The following HMOX2 variants were observed in gnomAD, a reference collection of about 807,000 sequenced individuals.
HMOX2 encodes heme oxygenase 2.
A neutral mutation model predicts 33.7 loss-of-function variants in HMOX2; 30 were observed. The ratio of observed to expected loss-of-function variants is 0.89; its 90% confidence interval spans 0.67 to 1.21. HMOX2 has a LOEUF of 1.21. Ranked by LOEUF, HMOX2 falls within the 50% of genes most tolerant of loss-of-function variation. The pLI is 0.00. For synonymous variants in HMOX2, 155 were observed against 155.0 expected (o/e 1.00, Z 0.00); for missense variants, 403 against 399.1 (o/e 1.01, Z -0.08).
chr16:4,499,234 A>G (rs1255632324), intron 1 of HMOX2, among the ~76,000 whole-genome samples: 1 of 152,220 alleles, frequency 6.6e-6, no homozygotes, highest in African/African-American at 2.4e-5. Flanking sequence ...TCAAACATTC[A>G]TGCGTGTTAG....
At position 4,500,404 on chromosome 16, in the gene HMOX2, C is replaced by T. The variant is rs538062720; in HGVS notation, c.-41-5080C>T. ...TAACAACCCGAGTTCATGTTGTGGG[C>T]ATCTCATGCAGTGTAGTAGCTGGTC... On this transcript the variant is annotated intron_variant, in intron 1 of 5. Coordinates refer to ENST00000570646, the MANE Select transcript of HMOX2 (RefSeq NM_002134.4). Among the ~76,000 whole-genome samples, 10 of 152,210 alleles carry T rather than the reference C, an allele frequency of 6.6e-5. No individual in the cohort carries two copies. The South Asian group carries it at 1.5e-3, about 22-fold the overall frequency.
In HMOX2 at chr16:4,505,521, A is replaced by G. The variant is rs1477969101; in HGVS notation, c.-4A>G. ...GAGAGCAGCAAGAACCACACCCAGC[A>G]GCAATGTCAGCGGAAGTGGAAACCT... is the stretch of plus-strand genomic sequence containing the variant. On this transcript the variant is annotated 5_prime_UTR_variant, in exon 2 of 6. Coordinates refer to ENST00000570646, the MANE Select transcript of HMOX2 (RefSeq NM_002134.4). 6.2e-7 allele frequency: 1 copy of G among 1,603,902 alleles called. No individual in the cohort carries two copies. Among genetic ancestry groups the G allele is most frequent in the Admixed American group, 1.7e-5 (1 of 58,890 alleles).
At chr16:4,488,889 T>A (rs1485943849) in intron 1 of HMOX2, 2 of 151,906 alleles carry the variant, frequency 1.3e-5, no homozygotes, top group African/African-American at 4.9e-5. Context: ...CAGTGGTGTG[T>A]TTTTGGCTCA....
intron 1 of HMOX2, among the ~76,000 whole-genome samples, chr16:4,482,066 G>C (rs77771788): frequency 0.04 from 6,045 of 152,272 alleles, 177 homozygotes; most frequent in Non-Finnish European, 0.062. Flanking sequence ...GGGAAAGTCA[G>C]GCCTTCGGTT....
In HMOX2 at chr16:4,505,573, A is replaced by G. The variant is rs1248893951; in HGVS notation, c.49A>G (p.Lys17Glu). 3 of 1,604,676 alleles carry G rather than the reference A, an allele frequency of 1.9e-6. No homozygotes were observed. ...TSEGVDESEK[K>E]NSGALEKENQ... ...AGAGGGGGTAGACGAGTCAGAAAAA[A>G]AGAACTCTGGGGCCCTAGAAAAGGA... Residue 17 changes from lysine to glutamate, a missense_variant, in exon 2 of 6, where the codon AAG (lysine) becomes GAG (glutamate). Coordinates refer to ENST00000570646, the MANE Select transcript of HMOX2 (RefSeq NM_002134.4).
intron 1 of HMOX2, among the ~76,000 whole-genome samples, chr16:4,503,629 T>A (rs1376648764): frequency 6.6e-6 from 1 of 152,246 alleles, no homozygotes; most frequent in Non-Finnish European, 1.5e-5. Flanking sequence ...CATTGTGCTA[T>A]ATGAGTTATT....
intron 1 of HMOX2, among the ~76,000 whole-genome samples, chr16:4,480,552 C>T (rs1294249164): frequency 2.0e-5 from 3 of 151,846 alleles, no homozygotes; most frequent in Non-Finnish European, 4.4e-5. Context: ...ACCATGCTGG[C>T]CAGGCTGGTC....
chr16:4,492,096 C>T (rs1009739607), intron 1 of HMOX2, among the ~76,000 whole-genome samples: 2 of 152,176 alleles, frequency 1.3e-5, no homozygotes, highest in African/African-American at 4.8e-5. Flanking sequence ...GTAATCCCAA[C>T]AATGGGAGGG....
At chr16:4,505,769 T>A (rs2058675911) in intron 2 of HMOX2, among the ~76,000 whole-genome samples, 159 bp downstream of exon 2, 1 of 152,212 alleles carries the variant, frequency 6.6e-6, no homozygotes, top group African/African-American at 2.4e-5. Flanking sequence ...CGCATACAGC[T>A]TCGGCTGCTT....
chr16:4,505,567 G>T lies in HMOX2; in HGVS notation c.43G>T (p.Glu15Ter). The T allele has an allele frequency of 6.2e-7, 1 of 1,605,452 alleles. No individual in the cohort carries two copies. ...AACCTCAGAGGGGGTAGACGAGTCA[G>T]AAAAAAAGAACTCTGGGGCCCTAGA... ...VETSEGVDES[E>*]KKNSGALEKE... The change falls in exon 2 of 6, where the codon GAA becomes TAA. Residue 15 changes from glutamate to a stop codon, truncating the protein, a stop_gained. Transcript: ENST00000570646. LOFTEE classifies it high-confidence loss of function.
At chr16:4,505,653 C>A in intron 2 of HMOX2, 43 bp downstream of exon 2, 1 of 1,375,890 alleles carries the variant, frequency 7.3e-7, no homozygotes, top group Non-Finnish European at 1.0e-6. Flanking sequence ...GTGGGCCCAG[C>A]ACCTGTCGTG....
intron 1 of HMOX2, among the ~76,000 whole-genome samples, chr16:4,480,292 C>G (rs888589398): frequency 7.9e-5 from 12 of 151,526 alleles, no homozygotes; most frequent in African/African-American, 2.9e-4. Context: ...AAGCGAACCA[C>G]CCTCCTTGGC....
At chr16:4,505,012 T>C (rs1027509212) in intron 1 of HMOX2, among the ~76,000 whole-genome samples, 5 of 152,122 alleles carry the variant, frequency 3.3e-5, no homozygotes, top group African/African-American at 9.7e-5. Flanking sequence ...ATGGTAAGAA[T>C]AGTACAAAGA....
intron 1 of HMOX2, among the ~76,000 whole-genome samples, chr16:4,490,818 T>C (rs1353453612): frequency 1.3e-5 from 2 of 152,228 alleles, no homozygotes; most frequent in Non-Finnish European, 2.9e-5. Context: ...ATTAGACTCA[T>C]GTCCTCTTTT....
At position 4,507,678 on chromosome 16, in the gene HMOX2, C is replaced by T. The variant is rs765005674; in HGVS notation, c.205-35C>T. 6.3e-6 allele frequency: 10 copies of T among 1,598,458 alleles called. No individual in the cohort carries two copies. The East Asian group carries it at 2.0e-4, about 32-fold the overall frequency. On this transcript the variant is annotated intron_variant, in intron 3 of 5. Coordinates refer to ENST00000570646, the MANE Select transcript of HMOX2 (RefSeq NM_002134.4). Reference sequence around the variant, plus strand: ...TCCAGCTGCTCGGATGTGGTGTGCTCAGGCATAGCTGGCCTCCTCCTGTCA... The same window carrying T: ...TCCAGCTGCTCGGATGTGGTGTGCTTAGGCATAGCTGGCCTCCTCCTGTCA...
intron 1 of HMOX2, among the ~76,000 whole-genome samples, chr16:4,501,504 C>G (rs1362627): frequency 0.081 from 12,282 of 152,102 alleles, 794 homozygotes; most frequent in African/African-American, 0.17. Flanking sequence ...TATTTTGATA[C>G]AGATTACAAT....
chr16:4,477,076 C>G (rs954267873), intron 1 of HMOX2, among the ~76,000 whole-genome samples: 1 of 152,142 alleles, frequency 6.6e-6, no homozygotes, highest in Non-Finnish European at 1.5e-5. Flanking sequence ...GTGGGGGCAG[C>G]CGGTTAGTCC....
At chr16:4,495,606 G>A (rs2141572622) in intron 1 of HMOX2, 1 of 152,312 alleles carries the variant, frequency 6.6e-6, no homozygotes, top group African/African-American at 2.4e-5. Context: ...CCAAAGGCTT[G>A]TCCTATGGAG....
rs2141619776 is a variant in HMOX2, at chr16:4,510,118, C to T, written c.*362C>T. On this transcript the variant is annotated 3_prime_UTR_variant, in exon 6 of 6. Coordinates refer to ENST00000570646, the MANE Select transcript of HMOX2 (RefSeq NM_002134.4). ...TGTTGGAGGTGAGTGGCCTGTAAGT[C>T]CAAGCTGTGCGAGGGGGCCTTGCTG... 1 of 256,520 alleles carries T rather than the reference C, an allele frequency of 3.9e-6. No homozygotes were observed. Among genetic ancestry groups the T allele is most frequent in the East Asian group, 8.0e-5 (1 of 12,428 alleles). 15.9% of individuals were successfully genotyped at this position (256,520 alleles called of 1,614,324 possible). A position where few individuals can be genotyped will look rare whatever the true frequency, so the allele number is the denominator to read the frequency against.
Sources: gnomAD v4.1 joint callset for allele counts (sites outside exome capture counted in the v4.1 genomes callset) on GRCh38, gnomAD v4.1.1 for gene constraint, MANE v1.5 for transcripts, NCBI Gene and HGNC (gene_info 2026-07-23, HGNC 2026-07-21) for gene names.